Variants in STK33 observed in about 807,000 individuals in gnomAD.
The protein encoded by STK33 is serine/threonine-protein kinase 33.
A neutral mutation model predicts 58.0 loss-of-function variants in STK33; 52 were observed. The ratio of observed to expected loss-of-function variants is 0.90; its 90% CI spans 0.72 to 1.13. STK33 has a LOEUF of 1.13. STK33 is among the 50% of genes most tolerant of loss of function. The pLI, the probability that STK33 is intolerant of heterozygous loss-of-function variation, is 0.00. For synonymous variants in STK33, 215 were observed against 200.1 expected (o/e 1.07, Z -0.63); for missense variants, 630 against 604.2 (o/e 1.04, Z -0.45).
At chr11:8,552,751 C>T (rs1016704443) in intron 1 of STK33, among the ~76,000 whole-genome samples, 1 of 152,088 alleles carries the variant, frequency 6.6e-6, no homozygotes, top group African/African-American at 2.4e-5. Context: ...CTGTCATCTC[C>T]TATGATAAAA....
At chr11:8,365,121 C>T in the STK33 span, among the ~76,000 whole-genome samples, 2 of 152,176 alleles carry the variant, frequency 1.3e-5, no homozygotes, top group Admixed American at 1.3e-4. Flanking sequence ...ACTCTAGACC[C>T]AGGGGGACGT....
At chr11:8,371,738 T>A in the STK33 span, among the ~76,000 whole-genome samples, 190 of 116,064 alleles carry the variant, frequency 1.6e-3, no homozygotes, top group African/African-American at 5.2e-3. Context: ...CTTCTCTCCC[T>A]CCCTCCCTCT....
chr11:8,384,223 G>A, the STK33 span, among the ~76,000 whole-genome samples: 1 of 152,254 alleles, frequency 6.6e-6, no homozygotes, highest in African/African-American at 2.4e-5. Flanking sequence ...TATAACCAAG[G>A]AATAACCAGC....
chr11:8,555,620 G>A (rs1219836302), intron 1 of STK33, among the ~76,000 whole-genome samples: 1 of 151,930 alleles, frequency 6.6e-6, no homozygotes, highest in Admixed American at 6.6e-5. Context: ...AGCTGAGATT[G>A]AGCCATTGCA....
chr11:8,428,904 TA>T (rs1318481574), intron 14 of STK33, among the ~76,000 whole-genome samples: 1 of 152,086 alleles, frequency 6.6e-6, no homozygotes, highest in Non-Finnish European at 1.5e-5. Flanking sequence ...AAGTCATTCT[TA>T]AATAATTTTT....
intron 1 of STK33, among the ~76,000 whole-genome samples, chr11:8,562,128 T>C (rs1352051138): frequency 2.0e-5 from 3 of 152,224 alleles, no homozygotes; most frequent in African/African-American, 4.8e-5. Flanking sequence ...AGAATTTGTT[T>C]ACTAAAATAA....
the STK33 span, among the ~76,000 whole-genome samples, chr11:8,382,918 C>A: frequency 2.6e-5 from 4 of 152,176 alleles, no homozygotes; most frequent in Admixed American, 1.3e-4. Flanking sequence ...TCCCCACAGG[C>A]AACACACTGC....
chr11:8,340,860 T>G, the STK33 span, among the ~76,000 whole-genome samples: 13 of 152,086 alleles, frequency 8.5e-5, no homozygotes, highest in Admixed American at 6.5e-4. Context: ...TTTTGTTTTG[T>G]TTTGGTTTGT....
At chr11:8,379,210 A>G in the STK33 span, among the ~76,000 whole-genome samples, 10 of 152,324 alleles carry the variant, frequency 6.6e-5, no homozygotes, top group East Asian at 1.7e-3. Flanking sequence ...TAACCTAGGA[A>G]AAACTCTCCT....
At chr11:8,373,804 C>T in the STK33 span, among the ~76,000 whole-genome samples, 3 of 152,166 alleles carry the variant, frequency 2.0e-5, no homozygotes, top group African/African-American at 4.8e-5. Flanking sequence ...AGTGGGTGGC[C>T]TTCTGGGGGC....
Position 8,464,810 on chromosome 11 carries a change from A to C in STK33, c.352T>G (p.Phe118Val). 6.2e-7 allele frequency: 1 copy of C among 1,602,444 alleles called. No homozygotes were observed. Among genetic ancestry groups the C allele is most frequent in the East Asian group, 2.2e-5 (1 of 44,726 alleles). The change falls in exon 7 of 16, where the codon TTT (phenylalanine) becomes GTT (valine). Residue 118 changes from phenylalanine to valine, a missense_variant. Physicochemically the swap from Phe to Val is conservative, Grantham distance 50. Coordinates refer to ENST00000687296, the MANE Select transcript of STK33 (RefSeq NM_001352389.2). Reference sequence around the variant, plus strand: ...CTCCCTTTTCCCAATATTCTTCCAAAGGTATAGATTTCCTGGAGAAAAAAA... The same window carrying C: ...CTCCCTTTTCCCAATATTCTTCCAACGGTATAGATTTCCTGGAGAAAAAAA... ...NGAAIEEIYT[F>V]GRILGKGSFG... is the part of the protein sequence containing the mutation.
chr11:8,338,236 C>A, the STK33 span, among the ~76,000 whole-genome samples: 1 of 152,220 alleles, frequency 6.6e-6, no homozygotes, highest in African/African-American at 2.4e-5. Flanking sequence ...AGGCACCAGC[C>A]TCCAGAGGGC....
chr11:8,397,817 T>C (rs879026731), intron 15 of STK33, among the ~76,000 whole-genome samples: 2 of 139,914 alleles, frequency 1.4e-5, no homozygotes, highest in Non-Finnish European at 3.1e-5. Flanking sequence ...GACAAATGCA[T>C]AAGCCTCAGT....
intron 1 of STK33, among the ~76,000 whole-genome samples, chr11:8,543,776 A>G (rs1955700171): frequency 1.3e-5 from 2 of 152,232 alleles, no homozygotes; most frequent in African/African-American, 4.8e-5. Context: ...TACAAAGGAT[A>G]AATACTTAAG....
chr11:8,393,075 T>C (rs1480619247), intron 15 of STK33, among the ~76,000 whole-genome samples: 1 of 152,256 alleles, frequency 6.6e-6, no homozygotes, highest in Non-Finnish European at 1.5e-5. Flanking sequence ...ATGGATACCC[T>C]GATAAGTACA....
At chr11:8,354,666 A>T in the STK33 span, among the ~76,000 whole-genome samples, 1 of 152,230 alleles carries the variant, frequency 6.6e-6, no homozygotes, top group Non-Finnish European at 1.5e-5. Flanking sequence ...AATGCTGTGA[A>T]CACAGAGCTG....
At position 8,541,887 on chromosome 11, in the gene STK33, A is replaced by G. The variant is rs146587000; in HGVS notation, c.-466+52196T>C. Among the ~76,000 whole-genome samples, 613 of 152,298 alleles carry G rather than the reference A, an allele frequency of 4.0e-3. 1 individual carries two copies. The highest frequency in any genetic ancestry group is 7.4e-3 in the Non-Finnish European group (505 of 68,002). On this transcript the variant is annotated intron_variant, in intron 1 of 15. Coordinates refer to ENST00000687296, the MANE Select transcript of STK33 (RefSeq NM_001352389.2). Reference sequence around the variant, plus strand: ...CTTAAATCTGTCTCTCCTGGATATAATAAGTTTTAAAGCTTTGAATGAATT... The same window carrying G: ...CTTAAATCTGTCTCTCCTGGATATAGTAAGTTTTAAAGCTTTGAATGAATT...
intron 1 of STK33, among the ~76,000 whole-genome samples, chr11:8,523,943 A>G (rs534344936): frequency 1.3e-5 from 2 of 152,364 alleles, no homozygotes; most frequent in East Asian, 1.9e-4. Context: ...AGAAGCAGAC[A>G]TGGGAGACTC....
chr11:8,482,740 A>T (rs12807640), intron 1 of STK33, among the ~76,000 whole-genome samples: 27,458 of 151,276 alleles, frequency 0.18, 2,841 homozygotes, highest in South Asian at 0.33. Flanking sequence ...TTATTTATTT[A>T]TTTTTTTGAG....
Sources: allele counts gnomAD v4.1 joint callset (sites outside exome capture counted in the v4.1 genomes callset), GRCh38; gene constraint gnomAD v4.1.1; transcripts MANE v1.5; gene names NCBI Gene and HGNC (gene_info 2026-07-23, HGNC 2026-07-21).